Variants in OPCML observed in about 807,000 individuals in gnomAD.
OPCML encodes the protein opioid-binding protein/cell adhesion molecule.
Under a neutral mutation model 37.8 loss-of-function variants are expected in OPCML, and 13 were observed. The observed-to-expected ratio is 0.34, with a 90% CI of 0.22 to 0.55. The LOEUF is 0.55. Ranked by LOEUF, OPCML falls within the 20% of genes least tolerant of loss-of-function variation. OPCML has a pLI of 0.91. For missense variants in OPCML, 341 were observed against 435.6 expected, an observed-to-expected ratio of 0.78 and a Z score of 1.93; for synonymous variants, 176 against 168.8, an observed-to-expected ratio of 1.04 and a Z score of -0.33.
In OPCML at chr11:132,882,845, T is replaced by C. The variant is rs78560269; in HGVS notation, c.146+60081A>G. 4.1e-4 allele frequency among the ~76,000 whole-genome samples: 63 copies of C among 152,298 alleles called. 1 individual carries two copies. In the East Asian group the frequency reaches 0.011, roughly 28 times the overall value. On this transcript the variant is annotated intron_variant, in intron 2 of 7. Transcript: ENST00000524381. Reference sequence around the variant, plus strand: ...GTTTCCAAGAGGAGAAAATATTTTATCCTGCTTAAATTGGAAGAGTAAAAA... The same window carrying C: ...GTTTCCAAGAGGAGAAAATATTTTACCCTGCTTAAATTGGAAGAGTAAAAA...
chr11:133,125,776 G>A (rs1413549180), intron 1 of OPCML, among the ~76,000 whole-genome samples: 3 of 86,322 alleles, frequency 3.5e-5, no homozygotes, highest in Non-Finnish European at 4.8e-5. Flanking sequence ...ATAGACACAT[G>A]TATATAGTAT....
rs1189613758 is a variant in OPCML, at chr11:132,602,753, G to A, written c.379+54334C>T. 3.9e-5 allele frequency among the ~76,000 whole-genome samples: 6 copies of A among 152,194 alleles called. No homozygotes were observed. The East Asian group carries it at 1.2e-3, about 29-fold the overall frequency. On this transcript the variant is annotated intron_variant, in intron 3 of 7. Transcript: ENST00000524381. ...TTTGCGCCACCTAAATTAGATCCCA[G>A]TCCATGAGGAGATGTAGAACAACCT...
At chr11:132,931,130 G>A (rs1170419061) in intron 2 of OPCML, among the ~76,000 whole-genome samples, 2 of 151,290 alleles carry the variant, frequency 1.3e-5, no homozygotes, top group East Asian at 3.9e-4. Context: ...GAATGAAGTT[G>A]GACTCATATT....
At chr11:133,282,470 C>T (rs1378219261) in intron 1 of OPCML, among the ~76,000 whole-genome samples, 1 of 152,212 alleles carries the variant, frequency 6.6e-6, no homozygotes, top group Non-Finnish European at 1.5e-5. Flanking sequence ...TCCAAGATTT[C>T]AGAGGATGTA....
chr11:133,512,899 A>G (rs775479422), intron 1 of OPCML, among the ~76,000 whole-genome samples: 2 of 152,212 alleles, frequency 1.3e-5, no homozygotes, highest in African/African-American at 2.4e-5. Context: ...GCAGAGACCA[A>G]TATATATTTC....
At chr11:132,966,306 G>A (rs910904520) in intron 1 of OPCML, among the ~76,000 whole-genome samples, 2 of 151,850 alleles carry the variant, frequency 1.3e-5, no homozygotes, top group Non-Finnish European at 2.9e-5. Context: ...GTATTTGAGT[G>A]TGTTAATTTC....
At chr11:133,137,466 A>T (rs1949708779) in intron 1 of OPCML, among the ~76,000 whole-genome samples, 1 of 152,228 alleles carries the variant, frequency 6.6e-6, no homozygotes, top group African/African-American at 2.4e-5. Flanking sequence ...TGTTTTAAAT[A>T]GAGGACTGAC....
At chr11:133,200,138 C>T (rs942280560) in intron 1 of OPCML, among the ~76,000 whole-genome samples, 2 of 152,158 alleles carry the variant, frequency 1.3e-5, no homozygotes, top group African/African-American at 4.8e-5. Flanking sequence ...CTGCTGAACT[C>T]TTTACTTACT....
intron 1 of OPCML, among the ~76,000 whole-genome samples, chr11:133,216,003 G>T (rs111692391): frequency 1.6e-4 from 24 of 152,136 alleles, no homozygotes; most frequent in African/African-American, 4.6e-4. Context: ...GAGGGGGTGG[G>T]AGGCAGGTGG....
At chr11:133,293,431 G>A (rs1209889327) in intron 1 of OPCML, among the ~76,000 whole-genome samples, 1 of 152,180 alleles carries the variant, frequency 6.6e-6, no homozygotes, top group East Asian at 1.9e-4. Flanking sequence ...TCAGACTGAA[G>A]AGTATTCACC....
intron 1 of OPCML, among the ~76,000 whole-genome samples, chr11:133,379,928 C>A (rs1393695203): frequency 6.6e-6 from 1 of 152,210 alleles, no homozygotes; most frequent in East Asian, 1.9e-4. Context: ...GATCAGCCTC[C>A]ACTTAAAACC....
intron 7 of OPCML, among the ~76,000 whole-genome samples, chr11:132,431,335 C>G (rs1303806069): frequency 6.6e-6 from 1 of 152,240 alleles, no homozygotes; most frequent in East Asian, 1.9e-4. Context: ...CAGACAGCAT[C>G]ACAGTTTGTC....
intron 1 of OPCML, among the ~76,000 whole-genome samples, chr11:133,138,702 C>G (rs1565466277): frequency 6.6e-6 from 1 of 152,170 alleles, no homozygotes; most frequent in Non-Finnish European, 1.5e-5. Context: ...TCTCCCACCC[C>G]ACTCCTGGTA....
intron 1 of OPCML, among the ~76,000 whole-genome samples, chr11:133,441,829 T>C (rs1388295151): frequency 1.3e-5 from 2 of 152,188 alleles, no homozygotes; most frequent in African/African-American, 4.8e-5. Context: ...CTATATCATA[T>C]ATATGTGTAT....
intron 1 of OPCML, among the ~76,000 whole-genome samples, chr11:133,295,370 C>T (rs1318795597): frequency 6.6e-6 from 1 of 152,100 alleles, no homozygotes; most frequent in Non-Finnish European, 1.5e-5. Context: ...GGTAAGCTTA[C>T]AAAATCCAAG....
intron 4 of OPCML, among the ~76,000 whole-genome samples, chr11:132,503,550 A>G (rs936989349): frequency 2.6e-5 from 4 of 152,346 alleles, no homozygotes; most frequent in Admixed American, 6.5e-5. Flanking sequence ...GAAAAAAAGT[A>G]TCAATATTAT....
intron 1 of OPCML, among the ~76,000 whole-genome samples, chr11:133,140,142 G>GCA (rs1373384141): frequency 6.7e-6 from 1 of 149,742 alleles, no homozygotes; most frequent in East Asian, 2.0e-4. Context: ...AGCCGAGATC[G>GCA]CACCACTGCA....
chr11:133,059,017 T>C (rs893601746), intron 1 of OPCML, among the ~76,000 whole-genome samples: 4 of 152,224 alleles, frequency 2.6e-5, no homozygotes, highest in Non-Finnish European at 5.9e-5. Context: ...ATGGTAACTT[T>C]GCAAGGACCT....
intron 1 of OPCML, among the ~76,000 whole-genome samples, chr11:133,145,636 C>A (rs930757892): frequency 6.6e-6 from 1 of 152,212 alleles, no homozygotes; most frequent in Non-Finnish European, 1.5e-5. Context: ...AAGAAAGAAG[C>A]AAGGTAACCC....
Sources: gnomAD v4.1 joint callset for allele counts (sites outside exome capture counted in the v4.1 genomes callset) on GRCh38, gnomAD v4.1.1 for gene constraint, MANE v1.5 for transcripts, NCBI Gene and HGNC (gene_info 2026-07-23, HGNC 2026-07-21) for gene names.